Variants in TTC39C observed in about 807,000 individuals in gnomAD.
The protein encoded by TTC39C is tetratricopeptide repeat domain 39C.
A neutral mutation model predicts 76.3 loss-of-function variants in TTC39C; 33 were observed. The observed-to-expected ratio is 0.43, with a 90% CI of 0.33 to 0.58. The LOEUF is 0.58. TTC39C is among the 20% of genes least tolerant of loss of function. TTC39C has a pLI of 0.04. For missense variants in TTC39C, 595 were observed against 701.4 expected, an observed-to-expected ratio of 0.85 and a Z score of 1.71; for synonymous variants, 254 against 260.6, an observed-to-expected ratio of 0.97 and a Z score of 0.24.
At chr18:24,073,709 G>A (rs1379459972) in intron 4 of TTC39C, among the ~76,000 whole-genome samples, 3 of 152,056 alleles carry the variant, frequency 2.0e-5, no homozygotes, top group Non-Finnish European at 4.4e-5. Flanking sequence ...TGTAGAGATA[G>A]GGGTCTCACT....
chr18:24,090,088 C>A (rs1186386028), intron 6 of TTC39C, among the ~76,000 whole-genome samples: 1 of 152,106 alleles, frequency 6.6e-6, no homozygotes, highest in African/African-American at 2.4e-5. Context: ...AATTGACATG[C>A]AGGCAGACTA....
intron 4 of TTC39C, among the ~76,000 whole-genome samples, chr18:24,076,062 C>G (rs888010769): frequency 6.6e-6 from 1 of 152,182 alleles, no homozygotes; most frequent in African/African-American, 2.4e-5. Context: ...CTACAACCTC[C>G]ACCTCCTGGT....
At chr18:24,124,110 C>T in intron 9 of TTC39C, 167 bp downstream of exon 9, 1 of 486,126 alleles carries the variant, frequency 2.1e-6, no homozygotes, top group Non-Finnish European at 3.6e-6. Context: ...TACATCTGCT[C>T]TGAATAGAAG....
chr18:24,039,570 G>A (rs925490591), intron 1 of TTC39C, among the ~76,000 whole-genome samples: 1 of 152,192 alleles, frequency 6.6e-6, no homozygotes, highest in Non-Finnish European at 1.5e-5. Context: ...GGCCTCAAGC[G>A]ATCCTCTTGC....
intron 10 of TTC39C, 61 bp from the exon 11 acceptor site, chr18:24,128,825 T>C (rs2085084116): frequency 3.0e-6 from 4 of 1,341,286 alleles, no homozygotes; most frequent in Non-Finnish European, 4.2e-6. Context: ...CTCTTCATGA[T>C]ATTGAAGGAA....
intron 1 of TTC39C, among the ~76,000 whole-genome samples, chr18:23,993,616 G>C (rs1398381180): frequency 1.3e-5 from 2 of 152,162 alleles, no homozygotes; most frequent in Non-Finnish European, 2.9e-5. Flanking sequence ...CTCCAGCTGT[G>C]AAATTTAGAA....
chr18:24,107,595 G>T (rs1243834994), intron 6 of TTC39C, among the ~76,000 whole-genome samples: 1 of 152,120 alleles, frequency 6.6e-6, no homozygotes, highest in Non-Finnish European at 1.5e-5. Flanking sequence ...TCTCTTGCCT[G>T]CCACCGTGTT....
intron 6 of TTC39C, among the ~76,000 whole-genome samples, chr18:24,099,033 GTGTA>G (rs768152274): frequency 2.8e-4 from 41 of 145,638 alleles, no homozygotes; most frequent in East Asian, 1.0e-3. Flanking sequence ...GTGTGTGTGT[GTGTA>G]TATATATATC....
At position 24,014,825 on chromosome 18, in the gene TTC39C, A is replaced by T. The variant is rs1402491405; in HGVS notation, c.-47A>T. On this transcript the variant is annotated 5_prime_UTR_variant, in exon 1 of 14. Coordinates refer to ENST00000317571, the MANE Select transcript of TTC39C (RefSeq NM_001135993.2). ...CTCCGGGCGCGCGCGGGGCCGCAGC[A>T]GCTGCTCCCGATCTCGCCTCGGCCC... 8.3e-7 allele frequency: 1 copy of T among 1,209,034 alleles called. No homozygotes were observed. Among genetic ancestry groups the T allele is most frequent in the East Asian group, 3.6e-5 (1 of 27,582 alleles). 74.9% of individuals were successfully genotyped at this position (1,209,034 alleles called of 1,614,324 possible).
At chr18:24,107,487 G>A (rs906958948) in intron 6 of TTC39C, among the ~76,000 whole-genome samples, 3 of 152,092 alleles carry the variant, frequency 2.0e-5, no homozygotes, top group South Asian at 4.1e-4. Flanking sequence ...ATTGAATCAC[G>A]GGGGCAGTTT....
intron 6 of TTC39C, among the ~76,000 whole-genome samples, chr18:24,105,483 C>T (rs2084735026): frequency 6.6e-6 from 1 of 152,144 alleles, no homozygotes; most frequent in Admixed American, 6.5e-5. Context: ...ATATGAAATA[C>T]ATATGTGCAC....
intron 6 of TTC39C, among the ~76,000 whole-genome samples, chr18:24,102,380 A>G (rs1048228748): frequency 3.3e-5 from 5 of 152,254 alleles, no homozygotes; most frequent in African/African-American, 9.6e-5. Flanking sequence ...TTATGTGTAC[A>G]TAATCAAGTA....
intron 1 of TTC39C, among the ~76,000 whole-genome samples, chr18:24,060,321 T>G (rs2084080906): frequency 7.0e-6 from 1 of 142,844 alleles, no homozygotes; most frequent in African/African-American, 2.6e-5. Context: ...CTGTTTTTTT[T>G]TTTTTTTTTT....
chr18:23,996,421 A>G (rs2145620867), intron 1 of TTC39C, among the ~76,000 whole-genome samples: 1 of 152,358 alleles, frequency 6.6e-6, no homozygotes, highest in Admixed American at 6.5e-5. Flanking sequence ...AAATAAGGTC[A>G]GTGTGGGCAC....
intron 1 of TTC39C, among the ~76,000 whole-genome samples, chr18:24,040,228 C>T (rs2083776278): frequency 6.6e-6 from 1 of 152,132 alleles, no homozygotes; most frequent in African/African-American, 2.4e-5. Flanking sequence ...TGATGTGGGG[C>T]TGAGGCTTTC....
At chr18:24,001,007 T>C (rs1360471412) in intron 1 of TTC39C, among the ~76,000 whole-genome samples, 1 of 152,192 alleles carries the variant, frequency 6.6e-6, no homozygotes, top group Non-Finnish European at 1.5e-5. Context: ...ATGGCTTCTG[T>C]GTCCACCCAA....
chr18:24,118,756 G>A (rs1000627280), intron 8 of TTC39C, among the ~76,000 whole-genome samples: 1 of 151,484 alleles, frequency 6.6e-6, no homozygotes, highest in East Asian at 1.9e-4. Context: ...AGGCTCAAGC[G>A]ATCCTCCTGC....
chr18:24,030,118 T>G (rs1482710720), intron 1 of TTC39C, among the ~76,000 whole-genome samples: 1 of 152,212 alleles, frequency 6.6e-6, no homozygotes, highest in Non-Finnish European at 1.5e-5. Context: ...ATTTTGTTAC[T>G]TTTTAAGTAG....
At chr18:24,065,448 C>G (rs1352075587) in intron 2 of TTC39C, among the ~76,000 whole-genome samples, 18 of 152,220 alleles carry the variant, frequency 1.2e-4, no homozygotes. Context: ...TTAAATGTGG[C>G]TTGAAAAAGT....
Sources: allele counts gnomAD v4.1 joint callset (sites outside exome capture counted in the v4.1 genomes callset), GRCh38; gene constraint gnomAD v4.1.1; transcripts MANE v1.5; gene names NCBI Gene and HGNC (gene_info 2026-07-23, HGNC 2026-07-21).